COQ10B: variants seen among roughly 807,000 people sequenced by gnomAD.
COQ10B encodes coenzyme Q-binding protein COQ10 homolog B, mitochondrial.
COQ10B carries 12 observed loss-of-function variants against 27.6 expected under a neutral mutation model. The observed-to-expected ratio is 0.43, with a 90% CI of 0.28 to 0.70. COQ10B has a LOEUF of 0.70. COQ10B is among the 30% of genes least tolerant of loss of function. The pLI is 0.17. For synonymous variants in COQ10B, 115 were observed against 103.0 expected (o/e 1.12, Z -0.71); for missense variants, 278 against 288.7 (o/e 0.96, Z 0.27).
At chr2:197,458,058 A>C (rs568452195) in intron 1 of COQ10B, among the ~76,000 whole-genome samples, 97 of 151,206 alleles carry the variant, frequency 6.4e-4, no homozygotes, top group Non-Finnish European at 1.2e-3. Context: ...ATAGAGCCCA[A>C]ATTTGTCTCT....
At chr2:197,473,441 T>TATACAC (rs1417755879) in intron 4 of COQ10B, among the ~76,000 whole-genome samples, 1 of 98,216 alleles carries the variant, frequency 1.0e-5, no homozygotes, top group Non-Finnish European at 1.9e-5. Context: ...TATATATATA[T>TATACAC]ACACATATAT....
chr2:197,471,567 A>C (rs940873451), intron 4 of COQ10B, among the ~76,000 whole-genome samples: 2 of 152,174 alleles, frequency 1.3e-5, no homozygotes, highest in East Asian at 3.8e-4. Flanking sequence ...GAATTTTAAG[A>C]AATGGTGGCA....
intron 1 of COQ10B, among the ~76,000 whole-genome samples, chr2:197,458,293 T>C (rs2085721721): frequency 6.6e-6 from 1 of 152,088 alleles, no homozygotes; most frequent in African/African-American, 2.4e-5. Context: ...AGTATATACA[T>C]ACACACGCAC....
intron 1 of COQ10B, among the ~76,000 whole-genome samples, chr2:197,454,454 G>A (rs2085674515): frequency 6.6e-6 from 1 of 151,978 alleles, no homozygotes; most frequent in African/African-American, 2.4e-5. Context: ...TAGATTAAAT[G>A]AAGATCCGAC....
At chr2:197,469,992 T>C (rs1318469957) in intron 3 of COQ10B, 78 bp from the exon 4 acceptor site, 2 of 814,210 alleles carry the variant, frequency 2.5e-6, no homozygotes, top group South Asian at 1.6e-5. Flanking sequence ...GAAATCAGCC[T>C]CAGTCATAGT....
chr2:197,469,592 C>T (rs574562309), intron 3 of COQ10B, among the ~76,000 whole-genome samples: 5 of 152,206 alleles, frequency 3.3e-5, no homozygotes, highest in Admixed American at 1.3e-4. Context: ...AAAGACTATA[C>T]GTGATTAATA....
chr2:197,465,697 A>G (rs2085817872), intron 3 of COQ10B, among the ~76,000 whole-genome samples: 1 of 152,138 alleles, frequency 6.6e-6, no homozygotes, highest in Non-Finnish European at 1.5e-5. Context: ...GCTTGAGCCC[A>G]GGAGGTTGAG....
chr2:197,461,437 T>G (rs888200384), intron 2 of COQ10B, among the ~76,000 whole-genome samples: 13 of 152,172 alleles, frequency 8.5e-5, no homozygotes, highest in African/African-American at 3.1e-4. Context: ...TTGCTCCTGA[T>G]GGGCAGGTAC....
In COQ10B at chr2:197,459,987, A is replaced by G. The variant is rs768193206; in HGVS notation, c.160A>G (p.Ile54Val). The G allele has an allele frequency of 2.5e-6, 4 of 1,611,518 alleles. No individual in the cohort carries two copies. Among genetic ancestry groups the G allele is most frequent in the Non-Finnish European group, 3.4e-6 (4 of 1,178,090 alleles). ...CAGAACTCTTCCACTACATACCTCA[A>G]TTTTGCCTAAGGAGATATGTGCACG... Reference protein sequence around the residue: ...MSRTLPLHTSILPKEICARTF... With the variant: ...MSRTLPLHTSVLPKEICARTF... The change falls in exon 2 of 5, where the codon ATT (isoleucine) becomes GTT (valine). Residue 54 changes from isoleucine to valine, a missense_variant. Transcript: ENST00000263960.
intron 4 of COQ10B, among the ~76,000 whole-genome samples, chr2:197,473,453 C>T (rs61087216): frequency 0.035 from 1,310 of 37,314 alleles, 91 homozygotes; most frequent in South Asian, 0.13. Flanking sequence ...CACATATATA[C>T]ATATATATAT....
chr2:197,454,334 A>G (rs2085672522), intron 1 of COQ10B: 1 of 486,824 alleles, frequency 2.1e-6, no homozygotes, highest in Non-Finnish European at 3.6e-6. Flanking sequence ...TTTTACTAAT[A>G]ACATTGTAAT....
At chr2:197,470,910 A>G (rs537010405) in intron 4 of COQ10B, among the ~76,000 whole-genome samples, 1 of 152,214 alleles carries the variant, frequency 6.6e-6, no homozygotes, top group African/African-American at 2.4e-5. Flanking sequence ...AATAAAAATA[A>G]AAATAAAATT....
At chr2:197,454,303 T>C in intron 1 of COQ10B, 1 of 570,414 alleles carries the variant, frequency 1.8e-6, no homozygotes, top group Non-Finnish European at 3.1e-6. Flanking sequence ...ACGGATACCA[T>C]ACTTGTACGA....
chr2:197,462,980 A>G (rs1216622904), intron 3 of COQ10B, among the ~76,000 whole-genome samples: 1 of 152,320 alleles, frequency 6.6e-6, no homozygotes, highest in East Asian at 1.9e-4. Flanking sequence ...CTACTGACCC[A>G]CAGGACAGAT....
At chr2:197,454,366 T>C (rs530398545) in intron 1 of COQ10B, 1 of 363,300 alleles carries the variant, frequency 2.8e-6, no homozygotes, top group African/African-American at 2.1e-5. Context: ...TTAAAGTTAG[T>C]GTGTTTAAAA....
At position 197,470,085 on chromosome 2, in the gene COQ10B, G is replaced by T; in HGVS notation, c.463G>T (p.Gly155Trp). The change falls in exon 4 of 5, where the codon GGG (glycine) becomes TGG (tryptophan). Residue 155 changes from glycine to tryptophan, a missense_variant. Physicochemically the swap from Gly to Trp is radical, Grantham distance 184. Around this residue, in one of 3 missense-constraint regions of COQ10B, gnomAD observed 83 missense variants for 104.5 expected, o/e 0.79. Transcript: ENST00000263960. ...TTTGTTGTAGGCATCTTGTACTGATGGGAGACTTTTCAATCATTTGGAGAC... is the reference window on the plus strand; with the variant it reads ...TTTGTTGTAGGCATCTTGTACTGATTGGAGACTTTTCAATCATTTGGAGAC... ...PHLVKASCTD[G>W]RLFNHLETIW... 6.2e-7 allele frequency: 1 copy of T among 1,611,310 alleles called. No homozygotes were observed. The highest frequency in any genetic ancestry group is 1.1e-5 in the South Asian group (1 of 90,956).
chr2:197,467,472 G>C (rs948203305), intron 3 of COQ10B, among the ~76,000 whole-genome samples: 1 of 151,966 alleles, frequency 6.6e-6, no homozygotes, highest in African/African-American at 2.4e-5. Context: ...CTGCCTCCTA[G>C]GTTCAAGCGA....
intron 1 of COQ10B, among the ~76,000 whole-genome samples, chr2:197,456,571 T>C (rs2085701452): frequency 1.3e-5 from 2 of 151,112 alleles, no homozygotes; most frequent in African/African-American, 4.9e-5. Context: ...GAGACCATCC[T>C]GGCTAACACA....
intron 3 of COQ10B, among the ~76,000 whole-genome samples, chr2:197,464,582 C>T (rs368098338): frequency 2.0e-5 from 3 of 152,162 alleles, no homozygotes; most frequent in Admixed American, 1.3e-4. Flanking sequence ...CACCTGCTTG[C>T]CTCATTGTTT....
Sources: gnomAD v4.1 joint callset for allele counts (sites outside exome capture counted in the v4.1 genomes callset) on GRCh38, gnomAD v4.1.1 for gene constraint, gnomAD v4.1.1 regional missense constraint, MANE v1.5 for transcripts, NCBI Gene and HGNC (gene_info 2026-07-23, HGNC 2026-07-21) for gene names.